Variants in PTPN13 observed in about 807,000 individuals in gnomAD.
The protein encoded by PTPN13 is tyrosine-protein phosphatase non-receptor type 13.
In PTPN13, 191 loss-of-function variants were observed where a neutral mutation model predicts 284.0. The ratio of observed to expected loss-of-function variants is 0.67; its 90% CI spans 0.60 to 0.76. PTPN13 has a LOEUF of 0.76. Among genes scored for constraint, PTPN13 ranks in the 30% least tolerant of loss-of-function variants. The pLI, the probability that PTPN13 is intolerant of heterozygous loss-of-function variation, is 0.00. For synonymous variants in PTPN13, 986 were observed against 1,022.3 expected, an observed-to-expected ratio of 0.96 and a Z score of 0.68; for missense variants, 2,797 against 2,939.9, an observed-to-expected ratio of 0.95 and a Z score of 1.12.
At chr4:86,679,039 G>A (rs1224187955) in intron 3 of PTPN13, among the ~76,000 whole-genome samples, 1 of 152,130 alleles carries the variant, frequency 6.6e-6, no homozygotes. Flanking sequence ...CCTGAGGATG[G>A]CCTTCAAGTT....
intron 3 of PTPN13, among the ~76,000 whole-genome samples, chr4:86,682,863 G>A (rs73838924): frequency 5.3e-5 from 8 of 152,178 alleles, no homozygotes; most frequent in African/African-American, 1.4e-4. Flanking sequence ...AAATGTAAAA[G>A]CATTTTTCTT....
rs1450899539 is a variant in PTPN13, at chr4:86,728,810, G to A, written c.1609-3590G>A. On this transcript the variant is annotated intron_variant, in intron 10 of 47. Coordinates refer to ENST00000411767, the MANE Select transcript of PTPN13 (RefSeq NM_080683.3). ...CTCTTTATCCAATTTGCCAGTTTGT[G>A]TCTTTTAATTGGGGCATTTAGCCCA... 1.4e-5 allele frequency among the ~76,000 whole-genome samples: 2 copies of A among 147,334 alleles called. 1 individual carries two copies. Among genetic ancestry groups the A allele is most frequent in the Non-Finnish European group, 3.0e-5 (2 of 65,816 alleles).
intron 1 of PTPN13, among the ~76,000 whole-genome samples, chr4:86,604,720 TAC>T (rs1236816425): frequency 6.6e-6 from 1 of 151,998 alleles, no homozygotes; most frequent in African/African-American, 2.4e-5. Flanking sequence ...GTTTTATAAA[TAC>T]ATTTATTTTT....
chr4:86,658,549 A>G (rs1220772947), intron 2 of PTPN13, among the ~76,000 whole-genome samples: 2 of 152,136 alleles, frequency 1.3e-5, no homozygotes, highest in Non-Finnish European at 2.9e-5. Flanking sequence ...GGTTATTTTT[A>G]AAAACTTCTG....
rs1739770016 is a variant in PTPN13, at chr4:86,769,783, G to A, written c.4504G>A (p.Val1502Ile). ...TTTTTCTCCAGAAAATACATTTGAG[G>A]TAAAATTATTTAAAAATAGCTCAGG... ...SFVTEENTFE[V>I]KLFKNSSGLG... Residue 1502 changes from valine (V) to isoleucine (I), a missense_variant, in exon 29 of 48, where the codon GTA (valine) becomes ATA (isoleucine). Val to Ile is a conservative substitution (Grantham distance 29). Transcript: ENST00000411767. The A allele has an allele frequency of 6.3e-7, 1 of 1,593,494 alleles. No homozygotes were observed. The highest frequency in any genetic ancestry group is 8.5e-7 in the Non-Finnish European group (1 of 1,170,286).
At chr4:86,811,811 G>T (rs907937693) in intron 47 of PTPN13, among the ~76,000 whole-genome samples, 3 of 152,152 alleles carry the variant, frequency 2.0e-5, no homozygotes, top group African/African-American at 4.8e-5. Context: ...AGGGAAATTT[G>T]CTATCTTTAA....
chr4:86,801,438 G>C (rs1378517341), intron 42 of PTPN13, among the ~76,000 whole-genome samples: 1 of 152,076 alleles, frequency 6.6e-6, no homozygotes, highest in African/African-American at 2.4e-5. Context: ...GGTTTTTTTG[G>C]GGGGTGAGGG....
At chr4:86,705,721 A>G (rs1307635244) in intron 7 of PTPN13, among the ~76,000 whole-genome samples, 2 of 152,140 alleles carry the variant, frequency 1.3e-5, no homozygotes, top group Non-Finnish European at 2.9e-5. Context: ...TAACATACCT[A>G]AGATCACATA....
intron 17 of PTPN13, among the ~76,000 whole-genome samples, chr4:86,748,164 T>C (rs375972693): frequency 3.5e-4 from 53 of 152,302 alleles, no homozygotes; most frequent in African/African-American, 1.2e-3. Flanking sequence ...AAAGAGAATA[T>C]GATTAAGCTG....
chr4:86,626,564 T>G (rs1721857374), intron 1 of PTPN13, among the ~76,000 whole-genome samples: 1 of 152,116 alleles, frequency 6.6e-6, no homozygotes, highest in Non-Finnish European at 1.5e-5. Flanking sequence ...TAATGTATTT[T>G]GTATTAGGGA....
chr4:86,764,135 G>C (rs903186421), intron 24 of PTPN13, among the ~76,000 whole-genome samples: 1 of 152,016 alleles, frequency 6.6e-6, no homozygotes, highest in Non-Finnish European at 1.5e-5. Flanking sequence ...TAGAGGCTTG[G>C]GTTAAAAGCT....
intron 5 of PTPN13, chr4:86,689,745 G>A (rs1226500415): frequency 1.4e-6 from 1 of 702,134 alleles, no homozygotes; most frequent in Non-Finnish European, 2.6e-6. Flanking sequence ...TTTTTCTCTT[G>A]TTTTGGATAT....
At chr4:86,631,469 T>C (rs1360624121) in intron 1 of PTPN13, among the ~76,000 whole-genome samples, 3 of 152,306 alleles carry the variant, frequency 2.0e-5, no homozygotes, top group African/African-American at 7.2e-5. Context: ...AATACTACAT[T>C]AAATTCTGAC....
At chr4:86,669,415 T>A (rs1266127587) in intron 2 of PTPN13, among the ~76,000 whole-genome samples, 1 of 151,632 alleles carries the variant, frequency 6.6e-6, no homozygotes. Flanking sequence ...ACATTGTACA[T>A]ATGTACCAAA....
intron 37 of PTPN13, among the ~76,000 whole-genome samples, chr4:86,782,729 G>A (rs1459355499): frequency 6.6e-6 from 1 of 152,146 alleles, no homozygotes; most frequent in Non-Finnish European, 1.5e-5. Flanking sequence ...ACTTGCTTTT[G>A]AAAGACTTAG....
chr4:86,655,662 G>T (rs376863316), intron 2 of PTPN13, among the ~76,000 whole-genome samples: 1 of 152,122 alleles, frequency 6.6e-6, no homozygotes, highest in Non-Finnish European at 1.5e-5. Flanking sequence ...TTTCTCTCTG[G>T]CTGCCCTTAA....
intron 40 of PTPN13, among the ~76,000 whole-genome samples, chr4:86,793,604 G>A (rs1015832568): frequency 2.0e-5 from 3 of 152,180 alleles, no homozygotes; most frequent in Non-Finnish European, 2.9e-5. Flanking sequence ...ATAATTGGAA[G>A]TAAAACACTA....
At chr4:86,632,330 T>A (rs1722558516) in intron 1 of PTPN13, among the ~76,000 whole-genome samples, 1 of 152,180 alleles carries the variant, frequency 6.6e-6, no homozygotes, top group African/African-American at 2.4e-5. Flanking sequence ...TCTGACCCCA[T>A]CAGGATCTAA....
At chr4:86,716,652 T>A in intron 8 of PTPN13, 27 bp downstream of exon 8, 1 of 1,393,604 alleles carries the variant, frequency 7.2e-7, no homozygotes, top group Non-Finnish European at 9.8e-7. Flanking sequence ...ACAAGCAAAC[T>A]GTTTTTAAGA....
Sources: gnomAD v4.1 joint callset for allele counts (sites outside exome capture counted in the v4.1 genomes callset) on GRCh38, gnomAD v4.1.1 for gene constraint, MANE v1.5 for transcripts, NCBI Gene and HGNC (gene_info 2026-07-23, HGNC 2026-07-21) for gene names.